TRMT44: variants seen among roughly 807,000 people sequenced by gnomAD.
The protein encoded by TRMT44 is probable tRNA (uracil-O(2)-)-methyltransferase.
In TRMT44, 78 loss-of-function variants were observed where a neutral mutation model predicts 77.3. The ratio of observed to expected loss-of-function variants is 1.01; its 90% confidence interval spans 0.84 to 1.22. The LOEUF (loss-of-function observed/expected upper bound fraction) is 1.22. TRMT44 is among the 50% of genes most tolerant of loss of function. The pLI, the probability that TRMT44 is intolerant of heterozygous loss-of-function variation, is 0.00. For synonymous variants in TRMT44, 391 were observed against 383.3 expected (o/e 1.02, Z -0.23); for missense variants, 1,090 against 964.4 (o/e 1.13, Z -1.73).
At chr4:8,490,763 A>G (rs1282010257) in intron 2 of TRMT44, among the ~76,000 whole-genome samples, 1 of 152,176 alleles carries the variant, frequency 6.6e-6, no homozygotes, top group African/African-American at 2.4e-5. Flanking sequence ...GCGGGTTGCC[A>G]CTGCTGACTG....
chr4:8,516,303 T>A, the TRMT44 span, among the ~76,000 whole-genome samples: 1 of 152,156 alleles, frequency 6.6e-6, no homozygotes, highest in African/African-American at 2.4e-5. Flanking sequence ...TCCCCTGAGA[T>A]ACCCCTTCAG....
rs1463838465 is a variant in TRMT44 at position 8,452,189 on chromosome 4, C to A, written c.1023+161C>A. Among the ~76,000 whole-genome samples the A allele has an allele frequency of 6.6e-6, 1 of 152,186 alleles. No individual in the cohort carries two copies. The highest frequency in any genetic ancestry group is 1.5e-5 in the Non-Finnish European group (1 of 68,042). ...GTGTAATGGTTTGACTTCATGTGGT[C>A]CTTTTGATGCGTATACAACAAGTTT... On this transcript the variant is annotated intron_variant, in intron 4 of 10. Transcript: ENST00000389737. This position sits in a 1 kb window ranked among gnomAD's most constrained non-coding sequence, Gnocchi z 5.7.
chr4:8,497,922 T>TG (rs916183134), downstream of TRMT44, among the ~76,000 whole-genome samples: 264 of 151,760 alleles, frequency 1.7e-3, 3 homozygotes, highest in African/African-American at 3.9e-3. Context: ...GGGGCTGGCG[T>TG]GGGGGGGGCT....
chr4:8,443,026 T>C (rs2109078516), intron 1 of TRMT44, among the ~76,000 whole-genome samples: 1 of 152,262 alleles, frequency 6.6e-6, no homozygotes, highest in African/African-American at 2.4e-5. Flanking sequence ...GCATGGACAC[T>C]TTTGGGAGGC....
At chr4:8,480,888 T>C (rs915490286), downstream of TRMT44, among the ~76,000 whole-genome samples, 1 of 152,194 alleles carries the variant, frequency 6.6e-6, no homozygotes, top group African/African-American at 2.4e-5. Context: ...ATCAAAGTAG[T>C]TTACCTCAAA....
chr4:8,448,052 G>A (rs977515316), intron 2 of TRMT44, among the ~76,000 whole-genome samples: 4 of 151,798 alleles, frequency 2.6e-5, no homozygotes, highest in African/African-American at 4.8e-5. Flanking sequence ...AGTCGGCATC[G>A]GAGTGACGTT....
intron 10 of TRMT44, among the ~76,000 whole-genome samples, chr4:8,472,992 G>A (rs530407588): frequency 6.9e-4 from 105 of 152,338 alleles, no homozygotes; most frequent in Middle Eastern, 3.4e-3. Context: ...CCCTGGGGGG[G>A]CAAACTTGTT....
In TRMT44 at chr4:8,463,971, T is replaced by C. The variant is rs2109146717; in HGVS notation, c.1204-14T>C. The C allele has an allele frequency of 1.9e-6, 3 of 1,607,706 alleles. No individual in the cohort carries two copies. In the African/African-American group the frequency reaches 4.0e-5, roughly 21 times the overall value. On this transcript the variant is annotated splice_polypyrimidine_tract_variant and intron_variant, in intron 6 of 10. Coordinates refer to ENST00000389737, the MANE Select transcript of TRMT44 (RefSeq NM_152544.3). ...ATTCACAAAACATTTCGTCTTGTTT[T>C]GTTATTCCTTTAGGAAGATGCAATC... is the stretch of plus-strand genomic sequence containing the variant.
the TRMT44 span, among the ~76,000 whole-genome samples, chr4:8,507,852 C>G: frequency 6.6e-6 from 1 of 152,152 alleles, no homozygotes; most frequent in African/African-American, 2.4e-5. Flanking sequence ...AAGCCCAGGC[C>G]CCCTGGGAAG....
chr4:8,446,559 CA>C lies in TRMT44; in HGVS notation c.706del (p.Ile236PhefsTer15), dbSNP rs1330100321. On this transcript the variant is annotated frameshift_variant, in exon 2 of 11. Transcript: ENST00000389737. LOFTEE classifies it high-confidence loss of function. This position sits in a 1 kb window ranked among gnomAD's most constrained non-coding sequence, Gnocchi z 4.3. Reference sequence around the variant, plus strand: ...AAAGGTTAAGATGAGCAATGTGTATCAAATTCAGCTCAGTCATAGCAAAGAA... The same window carrying C: ...AAAGGTTAAGATGAGCAATGTGTATCAATTCAGCTCAGTCATAGCAAAGAA... ...NLKVKMSNVY[Q>X]IQLSHSKEEW... is the part of the protein sequence containing the mutation. The C allele has an allele frequency of 6.5e-7, 1 of 1,536,050 alleles. No individual in the cohort carries two copies. Among genetic ancestry groups the C allele is most frequent in the East Asian group, 2.4e-5 (1 of 40,922 alleles).
chr4:8,501,071 G>C, the TRMT44 span, among the ~76,000 whole-genome samples: 1 of 152,210 alleles, frequency 6.6e-6, no homozygotes, highest in Non-Finnish European at 1.5e-5. This position sits in a 1 kb window ranked among gnomAD's most constrained non-coding sequence, Gnocchi z 4.4. Context: ...CCAGAAACCC[G>C]GATGCAGCCC....
chr4:8,477,362 G>A (rs1316875787), downstream of TRMT44: 1 of 152,274 alleles, frequency 6.6e-6, no homozygotes, highest in Non-Finnish European at 1.5e-5. Context: ...GATGTGCCAG[G>A]AGGTGCCTGG....
At chr4:8,483,949 C>T (rs1431580632) in intron 2 of TRMT44, among the ~76,000 whole-genome samples, 6 of 152,094 alleles carry the variant, frequency 3.9e-5, no homozygotes, top group Non-Finnish European at 8.8e-5. Flanking sequence ...GGGGCAAATC[C>T]CTGAGCTTCA....
Position 8,473,554 on chromosome 4 carries a change from A to G in TRMT44, c.2045-2218A>G, listed in dbSNP as rs73091447. 6.7e-3 allele frequency: 1,027 copies of G among 152,536 alleles called. 8 individuals are homozygous for G. The highest frequency in any genetic ancestry group is 0.022 in the African/African-American group (909 of 41,576). The allele number at this position is 152,536 out of a possible 1,614,324, so 9.4% of individuals were successfully genotyped here. ...AATCCTCAACCCGTTCCTCAGAGCA[A>G]CTTGGTGAAAGGGAGTGTCTGTCTG... On this transcript the variant is annotated intron_variant, in intron 10 of 10. Transcript: ENST00000389737.
In TRMT44 at chr4:8,441,052, G is replaced by C; in HGVS notation, c.230G>C (p.Gly77Ala). 1 of 1,487,816 alleles carries C rather than the reference G, an allele frequency of 6.7e-7. No individual in the cohort carries two copies. The highest frequency in any genetic ancestry group is 1.3e-5 in the South Asian group (1 of 76,070). The allele number at this position is 1,487,816 out of a possible 1,614,324, so 92.2% of individuals were successfully genotyped here. ...GAGCGGGGTCCGGGACCCGGCCAGG[G>C]TTCCCCCGGAGGGGGCCCGGGTCCC... ...QKERGPGPGQ[G>A]SPGGGPGPRS... is the part of the protein sequence containing the mutation. Residue 77 changes from glycine (G) to alanine (A), a missense_variant, in exon 1 of 11, where the codon GGT (glycine) becomes GCT (alanine). By Grantham distance (60) the Gly-to-Ala change is moderately conservative (BLOSUM62 0). Coordinates refer to ENST00000389737, the MANE Select transcript of TRMT44 (RefSeq NM_152544.3).
At chr4:8,474,084 G>A (rs1041896658) in intron 10 of TRMT44, among the ~76,000 whole-genome samples, 7 of 152,160 alleles carry the variant, frequency 4.6e-5, no homozygotes, top group African/African-American at 1.7e-4. Flanking sequence ...GGTGGGGAAG[G>A]GGGTGCCGAG....
chr4:8,474,161 ACAGGT>A (rs1353560951), intron 10 of TRMT44, among the ~76,000 whole-genome samples: 1 of 152,056 alleles, frequency 6.6e-6, no homozygotes, highest in African/African-American at 2.4e-5. Context: ...CATTCTCTTG[ACAGGT>A]CAGGGCATCA....
At chr4:8,515,799 G>A in the TRMT44 span, among the ~76,000 whole-genome samples, 4 of 152,198 alleles carry the variant, frequency 2.6e-5, no homozygotes, top group Non-Finnish European at 5.9e-5. Flanking sequence ...CCCAGTGCGG[G>A]GTGACATGGG....
downstream of TRMT44, among the ~76,000 whole-genome samples, chr4:8,494,708 G>T (rs1728102634): frequency 6.6e-6 from 1 of 152,132 alleles, no homozygotes; most frequent in Non-Finnish European, 1.5e-5. Context: ...TGTTATGGGT[G>T]TGTCCTTAAC....
Sources: allele counts gnomAD v4.1 joint callset (sites outside exome capture counted in the v4.1 genomes callset), GRCh38; gene constraint gnomAD v4.1.1; non-coding constraint Gnocchi (gnomAD v3.1); transcripts MANE v1.5; gene names NCBI Gene and HGNC (gene_info 2026-07-23, HGNC 2026-07-21).